The following ENTREP3 variants were observed in gnomAD, a reference collection of about 807,000 sequenced individuals.
ENTREP3 encodes protein ENTREP3.
At chr1:155,252,260 C>G in the ENTREP3 span, among the ~76,000 whole-genome samples, 1 of 151,744 alleles carries the variant, frequency 6.6e-6, no homozygotes, top group Non-Finnish European at 1.5e-5. Flanking sequence ...TGCAGTGGCG[C>G]GATCTCAGCT....
At chr1:155,254,207 G>C in the ENTREP3 span, 2 of 1,600,886 alleles carry the variant, frequency 1.2e-6, no homozygotes, top group Non-Finnish European at 1.7e-6. The surrounding 1 kb of genome is among the most constrained non-coding windows in gnomAD (Gnocchi z 4.4). Flanking sequence ...GGGGAAAACA[G>C]GGTGCAGACT....
At chr1:155,247,420 C>T in the ENTREP3 span, 32 of 538,718 alleles carry the variant, frequency 5.9e-5, no homozygotes, top group East Asian at 7.0e-4. Context: ...CATAGGCACA[C>T]GTCACCCTGT....
the ENTREP3 span, chr1:155,252,716 ATATATATTTTTT>A: frequency 4.4e-5 from 2 of 45,220 alleles, no homozygotes; most frequent in East Asian, 8.7e-4. Flanking sequence ...ATATATATAT[ATATATATTTTTT>A]TTTTTTTTTT....
the ENTREP3 span, chr1:155,253,074 A>AT: frequency 1.3e-5 from 2 of 151,866 alleles, no homozygotes; most frequent in Non-Finnish European, 2.9e-5. Flanking sequence ...CGCCTGGCTA[A>AT]TTTTTTGTAT....
chr1:155,247,858 G>C, the ENTREP3 span: 1 of 1,513,858 alleles, frequency 6.6e-7, no homozygotes, highest in South Asian at 1.3e-5. Context: ...CCTGCGGCCA[G>C]ACAGGAGACG....
At chr1:155,250,940 G>A in the ENTREP3 span, 2 of 1,269,398 alleles carry the variant, frequency 1.6e-6, no homozygotes, top group South Asian at 1.5e-5. The surrounding 1 kb of genome is among the most constrained non-coding windows in gnomAD (Gnocchi z 5.4). Context: ...CTTTATCTCA[G>A]AGGAGAAAAA....
At chr1:155,255,200 A>T in the ENTREP3 span, 13 of 400,494 alleles carry the variant, frequency 3.2e-5, no homozygotes, top group East Asian at 4.7e-5. The surrounding 1 kb of genome is among the most constrained non-coding windows in gnomAD (Gnocchi z 5.6). Flanking sequence ...CCGGTCCAGG[A>T]GTGAGGAGGG....
chr1:155,250,940 G>T, the ENTREP3 span: 1 of 1,269,514 alleles, frequency 7.9e-7, no homozygotes, highest in East Asian at 2.5e-5. This position sits in a 1 kb window ranked among gnomAD's most constrained non-coding sequence, Gnocchi z 5.4. Flanking sequence ...CTTTATCTCA[G>T]AGGAGAAAAA....
the ENTREP3 span, chr1:155,251,566 G>A: frequency 6.2e-7 from 1 of 1,614,008 alleles, no homozygotes; most frequent in Non-Finnish European, 8.5e-7. Context: ...AGGGTACAAG[G>A]GCACTGGGCT....
the ENTREP3 span, chr1:155,254,851 G>T: frequency 6.3e-7 from 1 of 1,584,660 alleles, no homozygotes; most frequent in South Asian, 1.1e-5. This position sits in a 1 kb window ranked among gnomAD's most constrained non-coding sequence, Gnocchi z 4.4. Context: ...TCAGCGAGCG[G>T]CTGGAGTCAC....
chr1:155,251,830 G>A, the ENTREP3 span: 10 of 1,557,580 alleles, frequency 6.4e-6, no homozygotes, highest in Admixed American at 2.1e-5. Flanking sequence ...AGCATGGTGT[G>A]TAGGAGAGGG....
At chr1:155,251,012 G>A in the ENTREP3 span, 2 of 1,402,522 alleles carry the variant, frequency 1.4e-6, no homozygotes, top group African/African-American at 2.8e-5. Flanking sequence ...ACTCCGCCTT[G>A]TTTTCCCCTT....
chr1:155,252,178 C>T, the ENTREP3 span: 1 of 405,916 alleles, frequency 2.5e-6, no homozygotes, highest in Non-Finnish European at 4.3e-6. Flanking sequence ...CAGGAATGTC[C>T]ACCCTTTAGC....
the ENTREP3 span, chr1:155,250,782 C>A: frequency 6.2e-7 from 1 of 1,610,806 alleles, no homozygotes. This position sits in a 1 kb window ranked among gnomAD's most constrained non-coding sequence, Gnocchi z 5.4. Flanking sequence ...AGGGAGGTCA[C>A]CAATGGCTGA....
At chr1:155,252,048 A>C in the ENTREP3 span, 1 of 573,748 alleles carries the variant, frequency 1.7e-6, no homozygotes, top group Non-Finnish European at 2.9e-6. Context: ...TCCCTCACCC[A>C]AAATCAGCTC....
the ENTREP3 span, chr1:155,255,281 G>A: frequency 7.1e-3 from 1,775 of 248,606 alleles, 11 homozygotes; most frequent in Non-Finnish European, 0.011. The surrounding 1 kb of genome is among the most constrained non-coding windows in gnomAD (Gnocchi z 5.6). Flanking sequence ...GTCTAGAGAA[G>A]AGGGGAGGGG....
At chr1:155,254,456 G>A in the ENTREP3 span, 5 of 1,614,224 alleles carry the variant, frequency 3.1e-6, no homozygotes, top group Non-Finnish European at 4.2e-6. The surrounding 1 kb of genome is among the most constrained non-coding windows in gnomAD (Gnocchi z 4.4). Context: ...GAGAACGCCA[G>A]CTGGGGACAG....
chr1:155,251,687 C>T, the ENTREP3 span: 1 of 1,609,042 alleles, frequency 6.2e-7, no homozygotes, highest in Non-Finnish European at 8.5e-7. Context: ...GGCCCAGCCC[C>T]AGTCCCCTTC....
At chr1:155,255,182 G>A in the ENTREP3 span, 178 of 513,376 alleles carry the variant, frequency 3.5e-4, 1 homozygote, top group East Asian at 5.6e-3. This position sits in a 1 kb window ranked among gnomAD's most constrained non-coding sequence, Gnocchi z 5.6. Context: ...GAGGGGCACC[G>A]AGAAGGGCCG....
Sources: allele counts gnomAD v4.1 joint callset (sites outside exome capture counted in the v4.1 genomes callset), GRCh38; gene constraint gnomAD v4.1.1; non-coding constraint Gnocchi (gnomAD v3.1); transcripts MANE v1.5; gene names NCBI Gene and HGNC (gene_info 2026-07-23, HGNC 2026-07-21).